MTA1: variants seen among roughly 807,000 people sequenced by gnomAD.
MTA1 encodes the protein metastasis-associated protein MTA1.
Under a neutral mutation model 97.0 loss-of-function variants are expected in MTA1, and 15 were observed. The ratio of observed to expected loss-of-function variants is 0.15; its 90% confidence interval spans 0.10 to 0.24. MTA1 has a LOEUF of 0.24. MTA1 is among the 10% of genes least tolerant of loss of function. MTA1 has a pLI of 1.00. For missense variants in MTA1, 709 were observed against 1,015.1 expected (o/e 0.70, Z 4.10); for synonymous variants, 435 against 417.5 (o/e 1.04, Z -0.51).
intron 5 of MTA1, 27 bp downstream of exon 5, chr14:105,450,211 GC>G: frequency 6.2e-7 from 1 of 1,611,426 alleles, no homozygotes; most frequent in Non-Finnish European, 8.5e-7. Flanking sequence ...CCCGCCCTGG[GC>G]CCCTCGGGCT....
chr14:105,468,324 C>T, intron 18 of MTA1: 2 of 1,304,376 alleles, frequency 1.5e-6, no homozygotes, highest in African/African-American at 1.5e-5. Context: ...CTCTGCTGTC[C>T]ACCGCTCTGG....
Position 105,458,253 on chromosome 14 carries a change from A to G in MTA1, c.551-17A>G, listed in dbSNP as rs782305687. ...CGTGGGACCCCGTCTCAGAAAGGCC[A>G]CACTTCCTCCCTGTAGGCGAGGAGG... On this transcript the variant is annotated splice_polypyrimidine_tract_variant and intron_variant, in intron 7 of 20. Transcript: ENST00000331320. 7.5e-6 allele frequency: 12 copies of G among 1,609,118 alleles called. 1 individual carries two copies. The South Asian group carries it at 1.3e-4, about 18-fold the overall frequency.
At chr14:105,449,213 G>C (rs1320007558) in intron 3 of MTA1, 146 bp from the exon 4 acceptor site, 2 of 648,266 alleles carry the variant, frequency 3.1e-6, no homozygotes, top group Non-Finnish European at 5.1e-6. Context: ...CTTCAACCGG[G>C]TGGTCTTCAC....
intron 2 of MTA1, among the ~76,000 whole-genome samples, chr14:105,444,085 C>T (rs1296038149): frequency 1.3e-5 from 2 of 150,282 alleles, no homozygotes; most frequent in Non-Finnish European, 3.0e-5. Flanking sequence ...GAGACTCCAT[C>T]TAAAAAGGCC....
At chr14:105,453,071 T>C (rs1261687760) in intron 6 of MTA1, among the ~76,000 whole-genome samples, 1 of 152,238 alleles carries the variant, frequency 6.6e-6, no homozygotes, top group African/African-American at 2.4e-5. Flanking sequence ...ACCAGCCCAG[T>C]GCAGGACACA....
At position 105,425,124 on chromosome 14, in the gene MTA1, T is replaced by C. The variant is rs371895099; in HGVS notation, c.28+5061T>C. ...GGGAGCACTGGCTGCAGGGCCTCCT[T>C]CCTCCTCCTGCTGAACTTGGAGTGC... is the stretch of plus-strand genomic sequence containing the variant. On this transcript the variant is annotated intron_variant, in intron 1 of 20. Transcript: ENST00000331320. Among the ~76,000 whole-genome samples, 552 of 152,272 alleles carry C rather than the reference T, an allele frequency of 3.6e-3. 6 individuals carry two copies. The highest frequency in any genetic ancestry group is 0.013 in the African/African-American group (524 of 41,556).
chr14:105,441,666 C>A (rs587720413), intron 2 of MTA1, among the ~76,000 whole-genome samples: 1 of 152,074 alleles, frequency 6.6e-6, no homozygotes, highest in South Asian at 2.1e-4. Flanking sequence ...TGGTGGCGGG[C>A]GCCTGTGATC....
intron 2 of MTA1, among the ~76,000 whole-genome samples, 178 bp from the exon 3 acceptor site, chr14:105,445,240 G>A (rs2082676858): frequency 1.3e-5 from 2 of 152,230 alleles, no homozygotes; most frequent in Admixed American, 6.5e-5. Flanking sequence ...TAGACGCCAC[G>A]GGCGTCCAGA....
At chr14:105,421,113 G>C (rs868947270) in intron 1 of MTA1, among the ~76,000 whole-genome samples, 1 of 140,812 alleles carries the variant, frequency 7.1e-6, no homozygotes, top group South Asian at 2.2e-4. Flanking sequence ...CCTTGGGGAC[G>C]GTGGGAGCCC....
chr14:105,422,516 AC>A lies in MTA1; in HGVS notation c.28+2457del, dbSNP rs587644647. ...AAGGGGCTTGCTCCTGTGCCCCCCC[AC>A]CCCAGGGACCTTGTGTGTAGAGGCA... On this transcript the variant is annotated intron_variant, in intron 1 of 20. Transcript: ENST00000331320. This position sits in a 1 kb window ranked among gnomAD's most constrained non-coding sequence, Gnocchi z 4.3. Among the ~76,000 whole-genome samples the A allele has an allele frequency of 2.0e-4, 31 of 152,128 alleles. No individual in the cohort carries two copies. The highest frequency in any genetic ancestry group is 7.0e-4 in the African/African-American group (29 of 41,504).
chr14:105,459,526 A>C (rs1182819984), intron 8 of MTA1, among the ~76,000 whole-genome samples: 8 of 2,802 alleles, frequency 2.9e-3, no homozygotes, highest in Admixed American at 6.3e-3. Flanking sequence ...GCGCCTGGGG[A>C]GCTGTGTGCC....
At chr14:105,454,925 G>A (rs1340922898) in intron 7 of MTA1, among the ~76,000 whole-genome samples, 2 of 145,720 alleles carry the variant, frequency 1.4e-5, no homozygotes, top group African/African-American at 5.1e-5. Flanking sequence ...TCTTTTTTTT[G>A]GACAAGGTCT....
At chr14:105,452,887 C>T (rs890603397) in intron 6 of MTA1, among the ~76,000 whole-genome samples, 46 of 152,170 alleles carry the variant, frequency 3.0e-4, no homozygotes, top group Non-Finnish European at 8.8e-5. Flanking sequence ...ACAGGGAAAG[C>T]GGGTAAGGGC....
At chr14:105,426,961 C>G (rs1156554537) in intron 1 of MTA1, among the ~76,000 whole-genome samples, 1 of 152,212 alleles carries the variant, frequency 6.6e-6, no homozygotes, top group Non-Finnish European at 1.5e-5. Context: ...TCTCTGTGCT[C>G]CCTGGTCTCC....
intron 1 of MTA1, among the ~76,000 whole-genome samples, chr14:105,433,841 T>A (rs1041963176): frequency 1.1e-4 from 16 of 152,150 alleles, no homozygotes; most frequent in Admixed American, 4.6e-4. Context: ...TTTAAAAAAA[T>A]TTTTTTAGAT....
intron 2 of MTA1, among the ~76,000 whole-genome samples, chr14:105,442,615 G>A (rs1200331620): frequency 6.6e-6 from 1 of 152,260 alleles, no homozygotes; most frequent in Non-Finnish European, 1.5e-5. Context: ...TGGCCTCACC[G>A]CCTTTACCTG....
intron 7 of MTA1, among the ~76,000 whole-genome samples, chr14:105,457,081 G>A (rs1055423078): frequency 2.0e-5 from 3 of 152,230 alleles, no homozygotes; most frequent in Admixed American, 1.3e-4. Context: ...GGGCAGCCCC[G>A]CACTCCGTGG....
chr14:105,432,822 G>A (rs1384525623), intron 1 of MTA1, among the ~76,000 whole-genome samples: 1 of 152,184 alleles, frequency 6.6e-6, no homozygotes, highest in Non-Finnish European at 1.5e-5. Context: ...AGTCTGCATT[G>A]CCACACAGAT....
intron 1 of MTA1, among the ~76,000 whole-genome samples, chr14:105,421,869 C>T (rs1555420985): frequency 6.6e-6 from 1 of 152,248 alleles, no homozygotes; most frequent in Non-Finnish European, 1.5e-5. Flanking sequence ...CCCCTGTGCC[C>T]GCAGGCCCGT....
Sources: allele counts gnomAD v4.1 joint callset (sites outside exome capture counted in the v4.1 genomes callset), GRCh38; gene constraint gnomAD v4.1.1; non-coding constraint Gnocchi (gnomAD v3.1); transcripts MANE v1.5; gene names NCBI Gene and HGNC (gene_info 2026-07-23, HGNC 2026-07-21).